Variants in LRFN5 observed in about 807,000 individuals in gnomAD.
LRFN5 encodes the protein leucine-rich repeat and fibronectin type-III domain-containing protein 5.
A neutral mutation model predicts 45.6 loss-of-function variants in LRFN5; 24 were observed. The observed-to-expected ratio is 0.53, with a 90% CI of 0.38 to 0.74. The LOEUF (loss-of-function observed/expected upper bound fraction) is 0.74, where lower values mean the gene tolerates loss of function less well. Ranked by LOEUF, LRFN5 falls within the 30% of genes least tolerant of loss-of-function variation. The probability of loss-of-function intolerance (pLI) is 0.00; values close to 1 mark genes in which losing one functional copy is unlikely to be tolerated. For synonymous variants in LRFN5, 340 were observed against 313.8 expected, an observed-to-expected ratio of 1.08 and a Z score of -0.88; for missense variants, 776 against 861.5, an observed-to-expected ratio of 0.90 and a Z score of 1.24.
At chr14:41,751,288 G>A in intron 1 of LRFN5, among the ~76,000 whole-genome samples, 1 of 151,968 alleles carries the variant, frequency 6.6e-6, no homozygotes, top group Non-Finnish European at 1.5e-5. Context: ...AAAGTTCGGT[G>A]TTAATAGCAC....
At chr14:41,844,358 A>AC (rs1257330532) in intron 2 of LRFN5, among the ~76,000 whole-genome samples, 5 of 151,324 alleles carry the variant, frequency 3.3e-5, no homozygotes, top group East Asian at 2.0e-4. Flanking sequence ...AATGGCGTGA[A>AC]CCCAGGAGGC....
At chr14:41,743,527 T>G (rs1477802350) in intron 1 of LRFN5, among the ~76,000 whole-genome samples, 2 of 152,168 alleles carry the variant, frequency 1.3e-5, no homozygotes, top group African/African-American at 2.4e-5. Flanking sequence ...TACTAGAGAT[T>G]GGGGAAGGAT....
At chr14:41,741,685 A>G (rs1276153853) in intron 1 of LRFN5, among the ~76,000 whole-genome samples, 1 of 151,736 alleles carries the variant, frequency 6.6e-6, no homozygotes, top group African/African-American at 2.4e-5. Flanking sequence ...AAAAGCAAAA[A>G]TAGACAGAGG....
At chr14:41,639,315 C>T (rs1434437313) in intron 1 of LRFN5, among the ~76,000 whole-genome samples, 3 of 152,022 alleles carry the variant, frequency 2.0e-5, no homozygotes, top group Non-Finnish European at 4.4e-5. Flanking sequence ...AGTCACATAA[C>T]AGTATTATGC....
intron 5 of LRFN5, among the ~76,000 whole-genome samples, 155 bp from the exon 6 acceptor site, chr14:41,904,003 A>C (rs368618793): frequency 1.3e-5 from 2 of 152,078 alleles, no homozygotes; most frequent in African/African-American, 2.4e-5. Context: ...GATAGTTTTC[A>C]TGGGTGTGTG....
intron 1 of LRFN5, among the ~76,000 whole-genome samples, chr14:41,710,131 A>G (rs1883223601): frequency 6.6e-6 from 1 of 152,164 alleles, no homozygotes; most frequent in South Asian, 2.1e-4. Flanking sequence ...CTGTAGATCA[A>G]GGTTGTTTAC....
At chr14:41,753,960 GT>G (rs1885254845) in intron 1 of LRFN5, among the ~76,000 whole-genome samples, 1 of 152,152 alleles carries the variant, frequency 6.6e-6, no homozygotes, top group Admixed American at 6.6e-5. Context: ...TTTATTGAGA[GT>G]TTTTAGCATG....
At chr14:41,821,033 G>A (rs1302828340) in intron 2 of LRFN5, among the ~76,000 whole-genome samples, 1 of 151,802 alleles carries the variant, frequency 6.6e-6, no homozygotes, top group Non-Finnish European at 1.5e-5. Context: ...GGGTTTTCAA[G>A]GTATACAATT....
At chr14:41,626,820 A>C (rs986421042) in intron 1 of LRFN5, among the ~76,000 whole-genome samples, 1 of 152,130 alleles carries the variant, frequency 6.6e-6, no homozygotes, top group Non-Finnish European at 1.5e-5. Context: ...CGAAAAGGTT[A>C]ATAGGTTCTG....
chr14:41,768,514 C>T (rs976256739), intron 2 of LRFN5, among the ~76,000 whole-genome samples: 11 of 151,920 alleles, frequency 7.2e-5, no homozygotes, highest in African/African-American at 2.4e-5. Context: ...GCTTTTGTTG[C>T]TTTGCTTCTT....
At chr14:41,776,381 T>G (rs751904662) in intron 2 of LRFN5, among the ~76,000 whole-genome samples, 10 of 152,140 alleles carry the variant, frequency 6.6e-5, no homozygotes, top group Non-Finnish European at 1.2e-4. Flanking sequence ...CCCGTTTTGG[T>G]GTCTTCTGAG....
Position 41,835,935 on chromosome 14 carries a change from A to T in LRFN5, c.-20-50671A>T, listed in dbSNP as rs565464014. 4.1e-3 allele frequency among the ~76,000 whole-genome samples: 571 copies of T among 139,660 alleles called. 1 individual carries two copies. Among genetic ancestry groups the T allele is most frequent in the African/African-American group, 0.011 (404 of 36,162 alleles). 91.6% of individuals were successfully genotyped at this position (139,660 alleles called of 152,430 possible). On this transcript the variant is annotated intron_variant, in intron 2 of 5. Transcript: ENST00000298119. ...TTTCTTTTCTTTTTCTTTTTTTTTAAAAAAAAAAAACCTTTGAAAATGTGG... is the reference window on the plus strand; with the variant it reads ...TTTCTTTTCTTTTTCTTTTTTTTTATAAAAAAAAAACCTTTGAAAATGTGG...
chr14:41,751,049 A>C (rs1355598416), intron 1 of LRFN5, among the ~76,000 whole-genome samples: 2 of 151,644 alleles, frequency 1.3e-5, no homozygotes, highest in Non-Finnish European at 2.9e-5. Context: ...TTCACCTCCC[A>C]CTTATGAGTG....
chr14:41,825,291 G>C (rs1367342247), intron 2 of LRFN5, among the ~76,000 whole-genome samples: 1 of 152,150 alleles, frequency 6.6e-6, no homozygotes, highest in Non-Finnish European at 1.5e-5. Context: ...GGTTGGGAGG[G>C]GGAGAAGTCC....
chr14:41,875,812 A>G (rs1271101443), intron 2 of LRFN5, among the ~76,000 whole-genome samples: 10 of 152,156 alleles, frequency 6.6e-5, no homozygotes, highest in Non-Finnish European at 1.5e-4. Context: ...AAGGTTGGAA[A>G]CTGAGTCATG....
chr14:41,788,183 T>C (rs1377887557), intron 2 of LRFN5, among the ~76,000 whole-genome samples: 1 of 152,100 alleles, frequency 6.6e-6, no homozygotes, highest in Non-Finnish European at 1.5e-5. Flanking sequence ...TATTATTTTA[T>C]TTATTGTGCT....
chr14:41,863,343 A>T (rs946858794), intron 2 of LRFN5, among the ~76,000 whole-genome samples: 35 of 152,268 alleles, frequency 2.3e-4, no homozygotes, highest in African/African-American at 8.2e-4. Context: ...TCTTTAAAAC[A>T]TTTGAAGATT....
chr14:41,789,262 T>C (rs1886834766), intron 2 of LRFN5, among the ~76,000 whole-genome samples: 1 of 152,006 alleles, frequency 6.6e-6, no homozygotes, highest in Admixed American at 6.6e-5. Context: ...TGCCTTTTTA[T>C]TTGACTGATT....
At position 41,743,959 on chromosome 14, in the gene LRFN5, T is replaced by G. The variant is rs144307473; in HGVS notation, c.-196-22895T>G. Among the ~76,000 whole-genome samples, 262 of 152,286 alleles carry G rather than the reference T, an allele frequency of 1.7e-3. 3 individuals carry two copies. Among genetic ancestry groups the G allele is most frequent in the Admixed American group, 3.1e-3 (47 of 15,280 alleles). Reference sequence around the variant, plus strand: ...AAGGAGTAGAGATGTTGTACATTATTGAAGTTAAGCTGGAATAAAATCAGA... The same window carrying G: ...AAGGAGTAGAGATGTTGTACATTATGGAAGTTAAGCTGGAATAAAATCAGA... On this transcript the variant is annotated intron_variant, in intron 1 of 5. Transcript: ENST00000298119.
Sources: gnomAD v4.1 joint callset for allele counts (sites outside exome capture counted in the v4.1 genomes callset) on GRCh38, gnomAD v4.1.1 for gene constraint, MANE v1.5 for transcripts, NCBI Gene and HGNC (gene_info 2026-07-23, HGNC 2026-07-21) for gene names.